The following FOXP2 variants were observed in gnomAD, a reference collection of about 807,000 sequenced individuals.
FOXP2 encodes forkhead box protein P2.
FOXP2 carries 12 observed loss-of-function variants against 115.8 expected under a neutral mutation model. That is an observed-to-expected ratio of 0.10 (90% CI 0.07 to 0.17). FOXP2 has a LOEUF of 0.17. FOXP2 is among the 10% of genes least tolerant of loss of function. The pLI, the probability that FOXP2 is intolerant of heterozygous loss-of-function variation, is 1.00. For missense variants in FOXP2, 629 were observed against 843.5 expected, an observed-to-expected ratio of 0.75 and a Z score of 3.15; for synonymous variants, 328 against 297.7, an observed-to-expected ratio of 1.10 and a Z score of -1.05.
chr7:114,089,358 A>G (rs1448423573), intron 1 of FOXP2, among the ~76,000 whole-genome samples: 1 of 152,106 alleles, frequency 6.6e-6, no homozygotes, highest in Non-Finnish European at 1.5e-5. Context: ...TTCAACTTAA[A>G]TATAAGTACA....
intron 1 of FOXP2, among the ~76,000 whole-genome samples, chr7:114,167,481 G>C (rs1774405634): frequency 1.3e-5 from 2 of 152,088 alleles, no homozygotes; most frequent in African/African-American, 4.8e-5. Flanking sequence ...CCACTGATAT[G>C]GTTTGGCTCT....
intron 2 of FOXP2, among the ~76,000 whole-genome samples, chr7:114,334,302 TC>T (rs1273709011): frequency 6.6e-6 from 1 of 151,922 alleles, no homozygotes; most frequent in Non-Finnish European, 1.5e-5. Flanking sequence ...TACACACCTG[TC>T]CTTAAAGTGT....
intron 9 of FOXP2, among the ~76,000 whole-genome samples, chr7:114,653,070 T>C (rs1806366122): frequency 6.6e-6 from 1 of 152,218 alleles, no homozygotes; most frequent in Admixed American, 6.6e-5. Flanking sequence ...CATTTAAAGA[T>C]ACGATTTTTC....
chr7:114,308,016 T>C (rs1198781832), intron 2 of FOXP2, among the ~76,000 whole-genome samples: 1 of 152,108 alleles, frequency 6.6e-6, no homozygotes, highest in Non-Finnish European at 1.5e-5. Context: ...TAATTGTTCC[T>C]CACCTCTCAC....
chr7:114,500,028 A>C (rs1175695019), intron 2 of FOXP2, among the ~76,000 whole-genome samples: 1 of 152,076 alleles, frequency 6.6e-6, no homozygotes, highest in African/African-American at 2.4e-5. Flanking sequence ...ATCCTGGCTA[A>C]CACGGTGAAA....
At chr7:114,365,419 A>C (rs1791853407) in intron 2 of FOXP2, among the ~76,000 whole-genome samples, 2 of 152,142 alleles carry the variant, frequency 1.3e-5, no homozygotes, top group African/African-American at 4.8e-5. Flanking sequence ...TTTTGAACCT[A>C]TTCATGATTT....
chr7:114,282,196 G>T (rs972312491), intron 1 of FOXP2, among the ~76,000 whole-genome samples: 1 of 152,158 alleles, frequency 6.6e-6, no homozygotes, highest in African/African-American at 2.4e-5. Flanking sequence ...TATATGTTTA[G>T]ATCTGCGTCA....
At chr7:114,594,384 T>G (rs76580052) in intron 3 of FOXP2, among the ~76,000 whole-genome samples, 19,821 of 152,002 alleles carry the variant, frequency 0.13, 1,569 homozygotes, top group African/African-American at 0.22. Context: ...TCAATCACAA[T>G]TAGTGGCATT....
Position 114,575,884 on chromosome 7 carries a change from G to T in FOXP2, c.258+41178G>T, listed in dbSNP as rs78505332. Among the ~76,000 whole-genome samples, 460 of 151,944 alleles carry T rather than the reference G, an allele frequency of 3.0e-3. 5 individuals are homozygous for T. The highest frequency in any genetic ancestry group is 4.7e-3 in the Non-Finnish European group (319 of 67,840). On this transcript the variant is annotated intron_variant, in intron 3 of 16. Coordinates refer to ENST00000350908, the MANE Select transcript of FOXP2 (RefSeq NM_014491.4). ...AAAACAATTAACCAAGGATAATGTTGCAGTAATTTTTTTCACAGTACCCTT... is the reference window on the plus strand; with the variant it reads ...AAAACAATTAACCAAGGATAATGTTTCAGTAATTTTTTTCACAGTACCCTT...
chr7:114,637,482 C>T (rs1198837908), intron 6 of FOXP2, among the ~76,000 whole-genome samples: 2 of 152,068 alleles, frequency 1.3e-5, no homozygotes, highest in African/African-American at 4.8e-5. Context: ...TCCACAGATT[C>T]CCAGAGTATG....
At chr7:114,556,832 A>C (rs1005051130) in intron 3 of FOXP2, among the ~76,000 whole-genome samples, 7 of 152,198 alleles carry the variant, frequency 4.6e-5, no homozygotes, top group Admixed American at 2.0e-4. Flanking sequence ...TATTGCTTAA[A>C]AGTATATCTC....
At chr7:114,538,310 CT>C in intron 3 of FOXP2, 4 of 1,300,434 alleles carry the variant, frequency 3.1e-6, no homozygotes, top group Non-Finnish European at 3.0e-6. Context: ...CATTATTGTT[CT>C]TGTTACATTT....
At chr7:114,259,574 G>A (rs1795696829) in intron 1 of FOXP2, among the ~76,000 whole-genome samples, 1 of 152,152 alleles carries the variant, frequency 6.6e-6, no homozygotes, top group African/African-American at 2.4e-5. Context: ...TGATTTCTCA[G>A]TCATAAAACA....
At position 114,341,335 on chromosome 7, in the gene FOXP2, G is replaced by A. The variant is rs1584649830; in HGVS notation, c.-11+53226G>A. Among the ~76,000 whole-genome samples, 6 of 151,284 alleles carry A rather than the reference G, an allele frequency of 4.0e-5. No individual in the cohort carries two copies. In the South Asian group the frequency reaches 1.2e-3, roughly 31 times the overall value. On this transcript the variant is annotated intron_variant, in intron 2 of 17. Transcript: ENST00000634411. ...TTTTTCAGTTGCCCCCAAAGAGTGA[G>A]TATTATCATGTAGTGTCTGACATGT...
chr7:114,442,457 T>C (rs893684868), intron 2 of FOXP2, among the ~76,000 whole-genome samples: 1 of 151,494 alleles, frequency 6.6e-6, no homozygotes, highest in Non-Finnish European at 1.5e-5. Context: ...TGAAAATGGG[T>C]GAATTCTGTT....
At chr7:114,120,416 G>A (rs923012767) in intron 1 of FOXP2, among the ~76,000 whole-genome samples, 2 of 152,106 alleles carry the variant, frequency 1.3e-5, no homozygotes, top group Admixed American at 6.6e-5. Flanking sequence ...AACTTTGAAA[G>A]CATTTGAAAC....
chr7:114,233,917 G>A (rs1250860591), intron 1 of FOXP2, among the ~76,000 whole-genome samples: 1 of 152,136 alleles, frequency 6.6e-6, no homozygotes, highest in Non-Finnish European at 1.5e-5. Context: ...GAAGACTGAG[G>A]CTCAGGAATA....
chr7:114,216,709 G>A (rs1448822790), intron 1 of FOXP2, among the ~76,000 whole-genome samples: 1 of 151,810 alleles, frequency 6.6e-6, no homozygotes, highest in Non-Finnish European at 1.5e-5. Flanking sequence ...TGGATTTCTG[G>A]TGTCTGAATT....
At position 114,588,161 on chromosome 7, in the gene FOXP2, T is replaced by A. The variant is rs1005983508; in HGVS notation, c.259-40379T>A. ...CATCTCTACTAAAAATACAAAAAAA[T>A]TAGCCAAGGATGATGGTGGGTGCCT... is the stretch of plus-strand genomic sequence containing the variant. On this transcript the variant is annotated intron_variant, in intron 3 of 16. Coordinates refer to ENST00000350908, the MANE Select transcript of FOXP2 (RefSeq NM_014491.4). Among the ~76,000 whole-genome samples, 18 of 151,568 alleles carry A rather than the reference T, an allele frequency of 1.2e-4. 1 individual carries two copies. Among genetic ancestry groups the A allele is most frequent in the Admixed American group, 1.1e-3 (17 of 15,182 alleles).
Sources: allele counts gnomAD v4.1 joint callset (sites outside exome capture counted in the v4.1 genomes callset), GRCh38; gene constraint gnomAD v4.1.1; transcripts MANE v1.5; gene names NCBI Gene and HGNC (gene_info 2026-07-23, HGNC 2026-07-21).